Variants in FAM178B observed in about 807,000 individuals in gnomAD.
FAM178B encodes the protein family with sequence similarity 178 member B.
FAM178B carries 82 observed loss-of-function variants against 91.7 expected under a neutral mutation model. The ratio of observed to expected loss-of-function variants is 0.89; its 90% CI spans 0.75 to 1.07. The LOEUF (loss-of-function observed/expected upper bound fraction) is 1.07. Ranked by LOEUF, FAM178B falls within the 50% of genes least tolerant of loss-of-function variation. The pLI is 0.00. For missense variants in FAM178B, 769 were observed against 846.7 expected, an observed-to-expected ratio of 0.91 and a Z score of 1.14; for synonymous variants, 368 against 359.4, an observed-to-expected ratio of 1.02 and a Z score of -0.27.
chr2:96,903,257 TCTCG>T, intron 12 of FAM178B, among the ~76,000 whole-genome samples: 1 of 152,326 alleles, frequency 6.6e-6, no homozygotes, highest in Middle Eastern at 3.4e-3. Context: ...GCCAGGATAG[TCTCG>T]ATCTCCTGAC....
At chr2:96,963,105 C>T (rs546795492) in intron 5 of FAM178B, among the ~76,000 whole-genome samples, 1 of 152,338 alleles carries the variant, frequency 6.6e-6, no homozygotes, top group East Asian at 1.9e-4. Context: ...AAAGCCAGGA[C>T]TACCTTCTGC....
chr2:96,907,751 G>A (rs2081082372), intron 12 of FAM178B, among the ~76,000 whole-genome samples: 1 of 152,240 alleles, frequency 6.6e-6, no homozygotes, highest in Admixed American at 6.5e-5. Context: ...GGAAGGCAAA[G>A]GCACCAACCA....
At chr2:96,923,073 A>G (rs1040658986) in intron 10 of FAM178B, among the ~76,000 whole-genome samples, 1 of 151,956 alleles carries the variant, frequency 6.6e-6, no homozygotes, top group African/African-American at 2.4e-5. Flanking sequence ...GGGTCAGGCA[A>G]TTCTCCTGTC....
Position 96,929,226 on chromosome 2 carries a change from C to A in FAM178B, c.1173G>T (p.Gly391=), listed in dbSNP as rs113414411. The A allele has an allele frequency of 1.8e-3, 2,745 of 1,551,234 alleles. 66 individuals carry two copies. The African/African-American group carries it at 0.034, about 19-fold the overall frequency. Reference sequence around the variant, plus strand: ...CTCACCTGCCACCGTGCCAAAAGGGCCCCAGAGGGTACAGGGCAGGACTGT... The same window carrying A: ...CTCACCTGCCACCGTGCCAAAAGGGACCCAGAGGGTACAGGGCAGGACTGT... The part of the protein sequence containing the change: ...GAHSPALYPL[G]PFWHGGRVLP... The change falls in exon 9 of 17, where the codon GGG becomes GGT. Residue 391 remains glycine, a synonymous_variant. Transcript: ENST00000490605.
At chr2:96,901,453 C>G (rs868819170) in intron 13 of FAM178B, among the ~76,000 whole-genome samples, 1 of 152,034 alleles carries the variant, frequency 6.6e-6, no homozygotes, top group Non-Finnish European at 1.5e-5. Context: ...GGATTACAGG[C>G]GTGAGCCACC....
At chr2:96,942,066 T>A (rs546951224) in intron 8 of FAM178B, among the ~76,000 whole-genome samples, 98 of 152,270 alleles carry the variant, frequency 6.4e-4, no homozygotes, top group Admixed American at 4.8e-3. Context: ...ACATGAGCAA[T>A]GAACAATTTG....
chr2:96,914,573 A>G (rs1434096434), intron 12 of FAM178B, among the ~76,000 whole-genome samples: 1 of 152,194 alleles, frequency 6.6e-6, no homozygotes, highest in Non-Finnish European at 1.5e-5. Context: ...GTGTCATCAT[A>G]ATGTTGTAAT....
intron 4 of FAM178B, among the ~76,000 whole-genome samples, chr2:96,969,205 C>A (rs990451783): frequency 1.3e-5 from 2 of 152,212 alleles, no homozygotes; most frequent in Non-Finnish European, 2.9e-5. Flanking sequence ...ACACAGCGTC[C>A]TATGGACTAA....
intron 15 of FAM178B, 59 bp downstream of exon 15, chr2:96,878,357 T>C (rs77651408): frequency 5.3e-6 from 8 of 1,508,684 alleles, no homozygotes; most frequent in Non-Finnish European, 4.6e-6. Context: ...CCCCCGCCGC[T>C]TGGGGGAGAA....
chr2:96,933,427 G>A (rs2081575436), intron 8 of FAM178B, among the ~76,000 whole-genome samples: 1 of 152,038 alleles, frequency 6.6e-6, no homozygotes, highest in African/African-American at 2.4e-5. Context: ...AAATAAAAGT[G>A]GCTTTTCCAT....
At chr2:96,930,536 G>T (rs1187686746) in intron 8 of FAM178B, among the ~76,000 whole-genome samples, 1 of 152,106 alleles carries the variant, frequency 6.6e-6, no homozygotes, top group African/African-American at 2.4e-5. Context: ...GTCTCTCCCC[G>T]GTAGAACAGG....
intron 13 of FAM178B, among the ~76,000 whole-genome samples, chr2:96,899,564 T>TA (rs1173243592): frequency 6.1e-4 from 89 of 144,854 alleles, no homozygotes; most frequent in South Asian, 4.3e-3. Context: ...CCATGTACTT[T>TA]AAAAAAAAAA....
At chr2:96,889,059 G>A (rs1387386817) in intron 14 of FAM178B, among the ~76,000 whole-genome samples, 2 of 152,140 alleles carry the variant, frequency 1.3e-5, no homozygotes, top group Non-Finnish European at 2.9e-5. Context: ...TGGTGCCCCC[G>A]CAGGGACCAT....
intron 12 of FAM178B, among the ~76,000 whole-genome samples, chr2:96,905,832 A>ATATATG (rs2081026397): frequency 7.7e-5 from 2 of 25,838 alleles, no homozygotes; most frequent in African/African-American, 3.1e-4. Flanking sequence ...ATATATATAT[A>ATATATG]TATATATATA....
intron 8 of FAM178B, among the ~76,000 whole-genome samples, chr2:96,933,649 G>A (rs1187074640): frequency 1.3e-5 from 2 of 152,206 alleles, no homozygotes; most frequent in Non-Finnish European, 2.9e-5. Context: ...GACTGGGTCT[G>A]CAGGCTCCAT....
chr2:96,966,443 T>C (rs954006295), intron 5 of FAM178B, among the ~76,000 whole-genome samples: 1 of 152,180 alleles, frequency 6.6e-6, no homozygotes, highest in Non-Finnish European at 1.5e-5. Flanking sequence ...TCAGGAGCCC[T>C]TGCAGCACAA....
chr2:96,902,759 C>T lies in FAM178B; in HGVS notation c.1563-52G>A, dbSNP rs933359058. 21 of 1,375,428 alleles carry T rather than the reference C, an allele frequency of 1.5e-5. No homozygotes were observed. The East Asian group carries it at 1.7e-4, about 11-fold the overall frequency. 85.2% of individuals were successfully genotyped at this position (1,375,428 alleles called of 1,614,324 possible). A position where few individuals can be genotyped will look rare whatever the true frequency, so the allele number is the denominator to read the frequency against. Reference sequence around the variant, plus strand: ...AGGGTGTGCTGGAAGTCGGGGAGCCCGAGCAGGGGGCAGGATACCCATGGA... The same window carrying T: ...AGGGTGTGCTGGAAGTCGGGGAGCCTGAGCAGGGGGCAGGATACCCATGGA... On this transcript the variant is annotated intron_variant, in intron 12 of 16. Coordinates refer to ENST00000490605, the MANE Select transcript of FAM178B (RefSeq NM_001122646.3).
chr2:96,970,249 G>C (rs989785547), intron 4 of FAM178B, among the ~76,000 whole-genome samples: 12 of 152,220 alleles, frequency 7.9e-5, no homozygotes, highest in African/African-American at 2.9e-4. Flanking sequence ...GGAGAAGGCA[G>C]GTGTGAAACT....
rs548315430 is a variant in FAM178B at position 96,971,040 on chromosome 2, C to T, written c.565-263G>A. ...CTCATGTGCTTTCAGAGACACTTCA[C>T]ACAGAGACAGCAAACAACACCACAT... is the stretch of plus-strand genomic sequence containing the variant. On this transcript the variant is annotated intron_variant, in intron 3 of 16. Coordinates refer to ENST00000490605, the MANE Select transcript of FAM178B (RefSeq NM_001122646.3). Among the ~76,000 whole-genome samples the T allele has an allele frequency of 7.2e-5, 11 of 152,038 alleles. No homozygotes were observed. In the South Asian group the frequency reaches 2.3e-3, roughly 32 times the overall value.
Sources: allele counts gnomAD v4.1 joint callset (sites outside exome capture counted in the v4.1 genomes callset), GRCh38; gene constraint gnomAD v4.1.1; transcripts MANE v1.5; gene names NCBI Gene and HGNC (gene_info 2026-07-23, HGNC 2026-07-21).